CC2D2A: variants seen among roughly 807,000 people sequenced by gnomAD.
The protein encoded by CC2D2A is coiled-coil and C2 domain containing 2A, also known as coiled-coil and C2 domain-containing protein 2A.
A neutral mutation model predicts 212.9 loss-of-function variants in CC2D2A; 155 were observed. The ratio of observed to expected loss-of-function variants is 0.73; its 90% CI spans 0.64 to 0.83. The LOEUF is 0.83. Ranked by LOEUF, CC2D2A falls within the 40% of genes least tolerant of loss-of-function variation. CC2D2A has a pLI of 0.00. For missense variants in CC2D2A, 1,856 were observed against 1,956.2 expected (o/e 0.95, Z 0.97); for synonymous variants, 667 against 686.5 (o/e 0.97, Z 0.44).
chr4:15,502,576 C>A, intron 5 of CC2D2A, 59 bp downstream of exon 5: 1 of 1,437,992 alleles, frequency 7.0e-7, no homozygotes, highest in South Asian at 1.3e-5. Flanking sequence ...CAGGGCTTGT[C>A]TAGCTTACTT....
intron 4 of CC2D2A, among the ~76,000 whole-genome samples, chr4:15,488,322 T>C (rs189909950): frequency 3.3e-5 from 5 of 152,364 alleles, no homozygotes; most frequent in Admixed American, 3.3e-4. Flanking sequence ...ATAACTTTGC[T>C]GGATATAATA....
intron 6 of CC2D2A, among the ~76,000 whole-genome samples, chr4:15,507,158 T>C (rs544231463): frequency 6.6e-6 from 1 of 152,120 alleles, no homozygotes; most frequent in Admixed American, 6.5e-5. Context: ...ACATTTAAAA[T>C]ACTGAGACAA....
At chr4:15,508,859 A>G (rs533967099) in intron 6 of CC2D2A, among the ~76,000 whole-genome samples, 56 of 152,322 alleles carry the variant, frequency 3.7e-4, no homozygotes, top group African/African-American at 1.2e-3. Flanking sequence ...TAGGTAGAAT[A>G]AGTATGTTCC....
intron 4 of CC2D2A, among the ~76,000 whole-genome samples, chr4:15,496,013 T>C (rs539156718): frequency 1.1e-4 from 17 of 152,338 alleles, no homozygotes; most frequent in African/African-American, 4.1e-4. Flanking sequence ...TTTTCAAATG[T>C]TTGTTGGCCA....
rs1331174612 is a variant in CC2D2A at position 15,514,813 on chromosome 4, T to C, written c.824T>C (p.Ile275Thr). ...GTCAGACCTGCAGATTATGAAAGCA[T>C]CCATGATCGGCTGCAGATGGAAAGA... ...VAVRPADYESIHDRLQMEREM... is the reference protein window; with the variant it reads ...VAVRPADYESTHDRLQMEREM... The change falls in exon 9 of 37, where the codon ATC (isoleucine) becomes ACC (threonine). Residue 275 changes from isoleucine (I) to threonine (T), a missense_variant. Coordinates refer to ENST00000424120, the MANE Select transcript of CC2D2A (RefSeq NM_001378615.1). The C allele has an allele frequency of 2.5e-6, 4 of 1,613,776 alleles. No homozygotes were observed. The highest frequency in any genetic ancestry group is 3.4e-6 in the Non-Finnish European group (4 of 1,179,810).
chr4:15,554,534 G>A (rs1719179976), intron 19 of CC2D2A, among the ~76,000 whole-genome samples: 1 of 152,194 alleles, frequency 6.6e-6, no homozygotes, highest in Admixed American at 6.5e-5. Context: ...AAATTAGCTG[G>A]GCATGGTGGC....
intron 23 of CC2D2A, among the ~76,000 whole-genome samples, chr4:15,562,318 TG>T (rs1204559712): frequency 6.6e-6 from 1 of 152,246 alleles, no homozygotes; most frequent in Non-Finnish European, 1.5e-5. Context: ...AAGCTGGCTT[TG>T]TTCTTTGGCT....
chr4:15,522,453 G>T (rs1398682876), intron 11 of CC2D2A, among the ~76,000 whole-genome samples: 1 of 151,442 alleles, frequency 6.6e-6, no homozygotes, highest in African/African-American at 2.4e-5. Flanking sequence ...TCCTATTAGA[G>T]AATTTAAGAG....
intron 11 of CC2D2A, among the ~76,000 whole-genome samples, chr4:15,524,009 GAAT>G (rs1219727729): frequency 1.3e-5 from 2 of 152,198 alleles, no homozygotes; most frequent in Non-Finnish European, 2.9e-5. Context: ...GGGAAGACCA[GAAT>G]AATAATTCTA....
In CC2D2A at chr4:15,574,234, G is replaced by A; in HGVS notation, c.3679G>A (p.Asp1227Asn). ...ERNMILERGF[D>N]SVRSLSEGSY... ...AAATATGATTCTTGAGCGGGGTTTTGATTCTGTCCGAAGCTTAAGTGAAGG... is the reference window on the plus strand; with the variant it reads ...AAATATGATTCTTGAGCGGGGTTTTAATTCTGTCCGAAGCTTAAGTGAAGG... The change falls in exon 29 of 37, where the codon GAT becomes AAT. Residue 1227 changes from aspartate (D) to asparagine (N), a missense_variant. Around this residue, in one of 5 missense-constraint regions of CC2D2A, gnomAD observed 1,512 missense variants for 1,579.3 expected, o/e 0.96. Coordinates refer to ENST00000424120, the MANE Select transcript of CC2D2A (RefSeq NM_001378615.1). 1 of 1,551,498 alleles carries A rather than the reference G, an allele frequency of 6.4e-7. No homozygotes were observed. Among genetic ancestry groups the A allele is most frequent in the Non-Finnish European group, 8.7e-7 (1 of 1,146,862 alleles).
intron 35 of CC2D2A, among the ~76,000 whole-genome samples, chr4:15,598,722 C>T (rs1221581505): frequency 3.3e-5 from 5 of 152,200 alleles, no homozygotes; most frequent in East Asian, 1.9e-4. Flanking sequence ...ATAGAATTCA[C>T]TATTCATGAT....
chr4:15,540,642 GTGTC>G (rs1718378111), intron 16 of CC2D2A, among the ~76,000 whole-genome samples, 191 bp from the exon 17 acceptor site: 1 of 152,186 alleles, frequency 6.6e-6, no homozygotes, highest in Non-Finnish European at 1.5e-5. Context: ...GCCCTTTTCA[GTGTC>G]TGTTAATGGC....
intron 6 of CC2D2A, 66 bp from the exon 7 acceptor site, chr4:15,510,073 C>A: frequency 8.1e-7 from 1 of 1,238,080 alleles, no homozygotes; most frequent in Non-Finnish European, 1.2e-6. Context: ...GGTTAACCTT[C>A]ATTTTAGAAC....
At chr4:15,478,505 G>A (rs1329395018) in intron 2 of CC2D2A, among the ~76,000 whole-genome samples, 1 of 152,198 alleles carries the variant, frequency 6.6e-6, no homozygotes, top group Non-Finnish European at 1.5e-5. Flanking sequence ...ACATCATCTC[G>A]TGTATGATGG....
intron 16 of CC2D2A, among the ~76,000 whole-genome samples, chr4:15,540,105 A>G (rs867243449): frequency 2.2e-4 from 34 of 152,286 alleles, no homozygotes; most frequent in Middle Eastern, 6.8e-3. Context: ...CCACAATGGA[A>G]CAATTTTTAA....
chr4:15,503,689 G>C (rs904176810), intron 6 of CC2D2A, among the ~76,000 whole-genome samples: 11 of 152,184 alleles, frequency 7.2e-5, no homozygotes, highest in African/African-American at 2.4e-4. Flanking sequence ...GCCATGGAAA[G>C]CTATTGACAA....
intron 22 of CC2D2A, 97 bp downstream of exon 22, chr4:15,559,354 A>C: frequency 1.4e-6 from 1 of 734,894 alleles, no homozygotes; most frequent in South Asian, 1.7e-5. Flanking sequence ...ATGTGAGCTT[A>C]TGCAAGCCAC....
intron 4 of CC2D2A, chr4:15,481,783 A>G: frequency 2.0e-6 from 2 of 984,946 alleles, no homozygotes. Flanking sequence ...AGGGAGTGTT[A>G]ATTAGAATGG....
At chr4:15,554,479 CCTAGCCAA>C (rs1398925671) in intron 19 of CC2D2A, among the ~76,000 whole-genome samples, 1 of 152,112 alleles carries the variant, frequency 6.6e-6, no homozygotes, top group East Asian at 1.9e-4. Flanking sequence ...TTGAGACCAG[CCTAGCCAA>C]CATGGCAAAA....
Sources: gnomAD v4.1 joint callset for allele counts (sites outside exome capture counted in the v4.1 genomes callset) on GRCh38, gnomAD v4.1.1 for gene constraint, gnomAD v4.1.1 regional missense constraint, MANE v1.5 for transcripts, NCBI Gene and HGNC (gene_info 2026-07-23, HGNC 2026-07-21) for gene names.